Variants in ABCD3 observed in about 807,000 individuals in gnomAD.
ABCD3 encodes the protein ATP binding cassette subfamily D member 3, also known as ATP-binding cassette sub-family D member 3.
Under a neutral mutation model 105.5 loss-of-function variants are expected in ABCD3, and 41 were observed. The ratio of observed to expected loss-of-function variants is 0.39; its 90% CI spans 0.30 to 0.50. The LOEUF is 0.50. ABCD3 is among the 20% of genes least tolerant of loss of function. ABCD3 has a pLI of 0.84. For missense variants in ABCD3, 622 were observed against 806.3 expected (o/e 0.77, Z 2.77); for synonymous variants, 258 against 269.0 (o/e 0.96, Z 0.40).
chr1:94,418,600 C>A lies in ABCD3; in HGVS notation c.110+12C>A. ...CTCGGCCTGCACGGGTAAGAAGGCCCGTAGCCGTGCAGCTTTCCCGGGCTG... is the reference window on the plus strand; with the variant it reads ...CTCGGCCTGCACGGGTAAGAAGGCCAGTAGCCGTGCAGCTTTCCCGGGCTG... On this transcript the variant is annotated intron_variant, in intron 1 of 22. Coordinates refer to ENST00000370214, the MANE Select transcript of ABCD3 (RefSeq NM_002858.4). 1 of 1,584,258 alleles carries A rather than the reference C, an allele frequency of 6.3e-7. No homozygotes were observed. The highest frequency in any genetic ancestry group is 2.3e-5 in the East Asian group (1 of 43,400).
chr1:94,435,897 T>C (rs2100900694), intron 1 of ABCD3, among the ~76,000 whole-genome samples: 1 of 152,344 alleles, frequency 6.6e-6, no homozygotes, highest in Admixed American at 6.5e-5. Context: ...TTACAGCTCT[T>C]GTCCTTATTT....
intron 20 of ABCD3, 38 bp from the exon 21 acceptor site, chr1:94,506,500 G>A: frequency 7.9e-7 from 1 of 1,268,350 alleles, no homozygotes; most frequent in Non-Finnish European, 1.2e-6. Flanking sequence ...TTTTAGGTCT[G>A]CCTGTGTTTT....
chr1:94,386,794 G>C, the ABCD3 span, among the ~76,000 whole-genome samples: 3 of 152,204 alleles, frequency 2.0e-5, no homozygotes, highest in Non-Finnish European at 4.4e-5. Flanking sequence ...GGCGGAGGTT[G>C]CAGTGAGCTG....
chr1:94,464,415 G>A (rs6683092), intron 2 of ABCD3, among the ~76,000 whole-genome samples: 2,812 of 151,522 alleles, frequency 0.019, 94 homozygotes, highest in African/African-American at 0.064. Context: ...CTCTGACCTC[G>A]TCCTCTGTGA....
chr1:94,432,674 T>G (rs1659732862), intron 1 of ABCD3: 1 of 152,158 alleles, frequency 6.6e-6, no homozygotes, highest in Non-Finnish European at 1.5e-5. Flanking sequence ...AATAAAACAT[T>G]TAAATCAAAG....
At chr1:94,406,420 GT>G in the ABCD3 span, 1 of 374,736 alleles carries the variant, frequency 2.7e-6, no homozygotes, top group Admixed American at 2.7e-5. Context: ...TAGGGAATAG[GT>G]TACAGCAGCT....
At chr1:94,474,311 C>T (rs1648625801) in intron 5 of ABCD3, among the ~76,000 whole-genome samples, 2 of 151,900 alleles carry the variant, frequency 1.3e-5, no homozygotes, top group African/African-American at 4.8e-5. Context: ...ATTACAGTAA[C>T]TTGAACTACT....
Position 94,418,544 on chromosome 1 carries a change from G to C in ABCD3, c.66G>C (p.Leu22=), listed in dbSNP as rs145652211. The C allele has an allele frequency of 2.5e-6, 4 of 1,604,818 alleles. No individual in the cohort carries two copies. Among genetic ancestry groups the C allele is most frequent in the African/African-American group, 1.3e-5 (1 of 74,866 alleles). Residue 22 remains leucine, a synonymous_variant, in exon 1 of 23, where the codon CTG becomes CTC. Coordinates refer to ENST00000370214, the MANE Select transcript of ABCD3 (RefSeq NM_002858.4). ...NSSLAGAAFL[L]LCLLHKRRRA... Reference sequence around the variant, plus strand: ...CGCTGGCTGGTGCCGCGTTCCTGCTGCTCTGCCTGCTCCACAAGCGGCGCC... The same window carrying C: ...CGCTGGCTGGTGCCGCGTTCCTGCTCCTCTGCCTGCTCCACAAGCGGCGCC...
intron 22 of ABCD3, 142 bp downstream of exon 22, chr1:94,515,344 A>G: frequency 1.4e-6 from 1 of 700,658 alleles, no homozygotes; most frequent in Non-Finnish European, 2.4e-6. Flanking sequence ...TGTTTTATAA[A>G]ATAGGATTTT....
intron 21 of ABCD3, 26 bp downstream of exon 21, chr1:94,506,668 G>A: frequency 6.5e-7 from 1 of 1,535,934 alleles, no homozygotes; most frequent in Non-Finnish European, 9.0e-7. Flanking sequence ...CTCAGTTTGA[G>A]GAGCCATGGC....
intron 21 of ABCD3, among the ~76,000 whole-genome samples, chr1:94,509,878 CT>C (rs1338504153): frequency 3.3e-5 from 5 of 152,092 alleles, no homozygotes; most frequent in African/African-American, 1.2e-4. Flanking sequence ...ATTCATCTCT[CT>C]TTTTTTCTTT....
chr1:94,452,600 A>G (rs187806146), intron 1 of ABCD3, among the ~76,000 whole-genome samples: 9 of 152,346 alleles, frequency 5.9e-5, no homozygotes, highest in Admixed American at 4.6e-4. Context: ...TAAGGTATTT[A>G]TCTAATTTTT....
the ABCD3 span, among the ~76,000 whole-genome samples, chr1:94,405,724 G>A: frequency 2.6e-5 from 4 of 152,094 alleles, no homozygotes; most frequent in Non-Finnish European, 5.9e-5. Flanking sequence ...ACCAGCTTTT[G>A]TATCTCTTTT....
intron 1 of ABCD3, among the ~76,000 whole-genome samples, chr1:94,456,291 T>G (rs1008711337): frequency 8.7e-5 from 6 of 69,042 alleles, no homozygotes; most frequent in Non-Finnish European, 1.6e-4. Context: ...TTTTTTTTTT[T>G]GGAGACGGAG....
intron 4 of ABCD3, among the ~76,000 whole-genome samples, chr1:94,469,120 A>C (rs901626986): frequency 3.3e-5 from 5 of 152,164 alleles, no homozygotes; most frequent in Admixed American, 2.0e-4. Context: ...TCTCACTCAC[A>C]ACTGTCATTA....
At chr1:94,459,437 A>G (rs1225920301) in intron 2 of ABCD3, among the ~76,000 whole-genome samples, 1 of 152,176 alleles carries the variant, frequency 6.6e-6, no homozygotes, top group African/African-American at 2.4e-5. Context: ...CATGGAATAT[A>G]TCAGCATGAT....
chr1:94,434,977 T>G (rs1228869888), intron 1 of ABCD3, among the ~76,000 whole-genome samples: 2 of 145,208 alleles, frequency 1.4e-5, no homozygotes, highest in African/African-American at 2.7e-5. Context: ...GTGTTTGTGG[T>G]TTTTTTTTTA....
intron 1 of ABCD3, 71 bp downstream of exon 1, chr1:94,418,659 C>G: frequency 2.0e-6 from 3 of 1,476,060 alleles, no homozygotes; most frequent in Non-Finnish European, 2.7e-6. Flanking sequence ...TCTCTCCCCA[C>G]CCGGCCGACA....
At chr1:94,385,818 G>A in the ABCD3 span, among the ~76,000 whole-genome samples, 1 of 152,038 alleles carries the variant, frequency 6.6e-6, no homozygotes, top group Non-Finnish European at 1.5e-5. Context: ...CATAAATGGT[G>A]CGGAGATGCA....
Sources: gnomAD v4.1 joint callset for allele counts (sites outside exome capture counted in the v4.1 genomes callset) on GRCh38, gnomAD v4.1.1 for gene constraint, MANE v1.5 for transcripts, NCBI Gene and HGNC (gene_info 2026-07-23, HGNC 2026-07-21) for gene names.